RBFOX1: variants seen among roughly 807,000 people sequenced by gnomAD.
The protein encoded by RBFOX1 is RNA binding protein fox-1 homolog 1.
In RBFOX1, 8 loss-of-function variants were observed where a neutral mutation model predicts 57.7. That is an observed-to-expected ratio of 0.14 (90% CI 0.08 to 0.25). The LOEUF is 0.25. RBFOX1 is among the 10% of genes least tolerant of loss of function. The pLI, the probability that RBFOX1 is intolerant of heterozygous loss-of-function variation, is 1.00. For synonymous variants in RBFOX1, 326 were observed against 222.4 expected (o/e 1.47, Z -4.15); for missense variants, 611 against 548.5 (o/e 1.11, Z -1.14).
At chr16:7,355,763 C>G (rs971592080) in intron 4 of RBFOX1, among the ~76,000 whole-genome samples, 1 of 152,172 alleles carries the variant, frequency 6.6e-6, no homozygotes. Flanking sequence ...CAGTTTCTTG[C>G]ATCTGTGCTC....
intron 2 of RBFOX1, among the ~76,000 whole-genome samples, chr16:6,558,536 A>G (rs1431554248): frequency 6.6e-6 from 1 of 152,076 alleles, no homozygotes; most frequent in Non-Finnish European, 1.5e-5. Flanking sequence ...CTGATGTAGA[A>G]CTTTGTCATG....
At chr16:7,511,995 A>C (rs2075219855) in intron 4 of RBFOX1, among the ~76,000 whole-genome samples, 1 of 152,198 alleles carries the variant, frequency 6.6e-6, no homozygotes, top group South Asian at 2.1e-4. Context: ...TTGCTTGATG[A>C]TGTGGGGAAC....
At chr16:5,505,081 G>A (rs1358107124) in intron 2 of RBFOX1, among the ~76,000 whole-genome samples, 1 of 151,406 alleles carries the variant, frequency 6.6e-6, no homozygotes. Context: ...AACACCACTT[G>A]AGATGGGCAC....
chr16:6,410,724 A>G (rs2152970162), intron 2 of RBFOX1, among the ~76,000 whole-genome samples: 1 of 152,268 alleles, frequency 6.6e-6, no homozygotes, highest in Non-Finnish European at 1.5e-5. Context: ...TCCAAGAGGA[A>G]TTTGTATTAA....
chr16:6,239,585 G>A (rs755953888), intron 1 of RBFOX1, among the ~76,000 whole-genome samples: 2 of 125,490 alleles, frequency 1.6e-5, no homozygotes, highest in Non-Finnish European at 3.2e-5. Flanking sequence ...TGCATCCTCC[G>A]CCACCTGGTT....
chr16:6,678,244 C>A (rs1250113666), intron 3 of RBFOX1, among the ~76,000 whole-genome samples: 15 of 152,268 alleles, frequency 9.9e-5, no homozygotes, highest in Admixed American at 9.2e-4. Flanking sequence ...CCAACTTCAT[C>A]CTCTCAGGTA....
intron 4 of RBFOX1, among the ~76,000 whole-genome samples, chr16:5,930,027 A>G (rs1202543311): frequency 6.6e-6 from 1 of 151,798 alleles, no homozygotes; most frequent in Non-Finnish European, 1.5e-5. Flanking sequence ...GAGTGAAGAA[A>G]GAAGGCGGAA....
At chr16:5,609,440 G>A (rs1395897318) in intron 3 of RBFOX1, among the ~76,000 whole-genome samples, 1 of 152,176 alleles carries the variant, frequency 6.6e-6, no homozygotes, top group East Asian at 1.9e-4. Flanking sequence ...GCCTGCTGGG[G>A]GCAGAGGAGA....
At chr16:6,708,528 A>G (rs1325619727) in intron 3 of RBFOX1, among the ~76,000 whole-genome samples, 1 of 152,154 alleles carries the variant, frequency 6.6e-6, no homozygotes, top group African/African-American at 2.4e-5. Context: ...TGTGTTGGAC[A>G]ATTTCGCACA....
chr16:6,567,806 CTA>C (rs1257306764), intron 2 of RBFOX1, among the ~76,000 whole-genome samples: 1 of 152,112 alleles, frequency 6.6e-6, no homozygotes, highest in East Asian at 1.9e-4. Context: ...ACAAACCCCA[CTA>C]TTTTTTTAAA....
At chr16:5,780,046 C>A (rs1469232975) in intron 3 of RBFOX1, among the ~76,000 whole-genome samples, 1 of 152,206 alleles carries the variant, frequency 6.6e-6, no homozygotes, top group Non-Finnish European at 1.5e-5. Flanking sequence ...CTGTGTCGCC[C>A]CGGCTGGAGT....
In RBFOX1 at chr16:5,531,301, G is replaced by A. The variant is rs561345981; in HGVS notation, c.258+64047G>A. Among the ~76,000 whole-genome samples, 5 of 152,150 alleles carry A rather than the reference G, an allele frequency of 3.3e-5. 1 individual carries two copies. The highest frequency in any genetic ancestry group is 3.9e-4 in the East Asian group (2 of 5,178). ...AGCATGTATCTTGCAGCAGACAGGG[G>A]TACTTCACATTGTTAAATCCTGGGA... On this transcript the variant is annotated intron_variant, in intron 2 of 2. Transcript: ENST00000585867.
At chr16:5,354,448 C>T (rs547709998) in intron 1 of RBFOX1, among the ~76,000 whole-genome samples, 2 of 152,302 alleles carry the variant, frequency 1.3e-5, no homozygotes, top group East Asian at 3.9e-4. Context: ...TGCCAAGCCC[C>T]GGTTTTCTTG....
chr16:5,971,569 G>C (rs2059962448), intron 4 of RBFOX1, among the ~76,000 whole-genome samples: 1 of 152,180 alleles, frequency 6.6e-6, no homozygotes, highest in African/African-American at 2.4e-5. Context: ...TTAAAATCCT[G>C]CTAATGCACT....
intron 10 of RBFOX1, among the ~76,000 whole-genome samples, chr16:7,630,075 T>C (rs1369033291): frequency 2.0e-5 from 3 of 152,162 alleles, no homozygotes; most frequent in Non-Finnish European, 2.9e-5. Context: ...TCAACATGTA[T>C]GCTTACTATT....
At chr16:6,494,993 C>T (rs2095727479) in intron 2 of RBFOX1, among the ~76,000 whole-genome samples, 1 of 152,136 alleles carries the variant, frequency 6.6e-6, no homozygotes, top group Non-Finnish European at 1.5e-5. Context: ...GAGGAAACAC[C>T]AAGCACAAAA....
At chr16:7,689,795 G>C (rs2076932011) in intron 14 of RBFOX1, among the ~76,000 whole-genome samples, 1 of 152,026 alleles carries the variant, frequency 6.6e-6, no homozygotes, top group Non-Finnish European at 1.5e-5. Context: ...AGGTAAGGAA[G>C]AACTCAAATA....
chr16:7,356,029 A>G (rs774330678), intron 4 of RBFOX1, among the ~76,000 whole-genome samples: 2 of 152,238 alleles, frequency 1.3e-5, no homozygotes, highest in African/African-American at 2.4e-5. Context: ...AAAATGAAGA[A>G]GCAAGCTCCA....
chr16:7,419,094 G>A (rs1168778057), intron 4 of RBFOX1, among the ~76,000 whole-genome samples: 2 of 152,034 alleles, frequency 1.3e-5, no homozygotes, highest in Non-Finnish European at 2.9e-5. Flanking sequence ...TTTTACTAGA[G>A]ACAGGGTTTC....
Sources: allele counts gnomAD v4.1 joint callset (sites outside exome capture counted in the v4.1 genomes callset), GRCh38; gene constraint gnomAD v4.1.1; transcripts MANE v1.5; gene names NCBI Gene and HGNC (gene_info 2026-07-23, HGNC 2026-07-21).